Variants in SORCS3 observed in about 807,000 individuals in gnomAD.
SORCS3 encodes sortilin related VPS10 domain containing receptor 3.
Under a neutral mutation model 146.3 loss-of-function variants are expected in SORCS3, and 57 were observed. The observed-to-expected ratio is 0.39, with a 90% CI of 0.31 to 0.49. The LOEUF (loss-of-function observed/expected upper bound fraction) is 0.49, where lower values mean the gene tolerates loss of function less well. Ranked by LOEUF, SORCS3 falls within the 20% of genes least tolerant of loss-of-function variation. The pLI, the probability that SORCS3 is intolerant of heterozygous loss-of-function variation, is 0.92. For missense variants in SORCS3, 1,341 were observed against 1,575.5 expected, an observed-to-expected ratio of 0.85 and a Z score of 2.52; for synonymous variants, 653 against 618.5, an observed-to-expected ratio of 1.06 and a Z score of -0.83.
chr10:105,131,721 T>TA (rs2056020418), intron 7 of SORCS3, among the ~76,000 whole-genome samples: 1 of 152,078 alleles, frequency 6.6e-6, no homozygotes, highest in African/African-American at 2.4e-5. Flanking sequence ...TCAGGAAACT[T>TA]ACAATTACGG....
chr10:105,001,544 A>T (rs1338553495), intron 4 of SORCS3, among the ~76,000 whole-genome samples: 1 of 152,204 alleles, frequency 6.6e-6, no homozygotes, highest in Non-Finnish European at 1.5e-5. Flanking sequence ...TATCCAAAAC[A>T]TTTCCTTGAA....
At chr10:104,739,761 G>A (rs2016818993) in intron 1 of SORCS3, among the ~76,000 whole-genome samples, 1 of 152,200 alleles carries the variant, frequency 6.6e-6, no homozygotes, top group Non-Finnish European at 1.5e-5. Flanking sequence ...GAAATCACAC[G>A]TGTCCCCACA....
intron 1 of SORCS3, among the ~76,000 whole-genome samples, chr10:104,757,004 A>T (rs958291108): frequency 6.7e-6 from 1 of 149,654 alleles, no homozygotes; most frequent in African/African-American, 2.5e-5. Flanking sequence ...ATCAACAACC[A>T]TTATCTCCTT....
At chr10:104,981,038 G>T (rs754028377) in intron 4 of SORCS3, among the ~76,000 whole-genome samples, 6 of 139,186 alleles carry the variant, frequency 4.3e-5, no homozygotes, top group African/African-American at 2.0e-4. Flanking sequence ...GCAAAGGGGT[G>T]GGGGGCAGAT....
At chr10:104,858,192 C>G (rs893011221) in intron 2 of SORCS3, among the ~76,000 whole-genome samples, 3 of 152,112 alleles carry the variant, frequency 2.0e-5, no homozygotes, top group Non-Finnish European at 4.4e-5. Context: ...ACAAAGAGTA[C>G]TGTTAAAATA....
chr10:104,927,213 T>C (rs2019157704), intron 3 of SORCS3, among the ~76,000 whole-genome samples: 1 of 152,246 alleles, frequency 6.6e-6, no homozygotes, highest in Non-Finnish European at 1.5e-5. Flanking sequence ...TTCTCTTCCG[T>C]GTGAACTCTG....
At chr10:104,834,716 G>A (rs1165453649) in intron 1 of SORCS3, among the ~76,000 whole-genome samples, 1 of 144,362 alleles carries the variant, frequency 6.9e-6, no homozygotes, top group East Asian at 2.0e-4. Context: ...TTTTTCCTCT[G>A]CTAGGATATT....
intron 26 of SORCS3, 38 bp downstream of exon 26, chr10:105,262,529 G>A (rs966713084): frequency 5.6e-6 from 9 of 1,593,334 alleles, no homozygotes; most frequent in Non-Finnish European, 7.7e-6. Flanking sequence ...CCTGTTCTGT[G>A]TCCTCTAAAC....
At chr10:104,819,906 T>C (rs2017853230) in intron 1 of SORCS3, among the ~76,000 whole-genome samples, 3 of 152,192 alleles carry the variant, frequency 2.0e-5, no homozygotes, top group African/African-American at 2.4e-5. Context: ...CCAAGATTGC[T>C]CATGCAGCTA....
intron 14 of SORCS3, among the ~76,000 whole-genome samples, chr10:105,199,145 G>A (rs1171347216): frequency 1.3e-5 from 2 of 151,918 alleles, no homozygotes; most frequent in African/African-American, 4.8e-5. Flanking sequence ...CAGCATGATC[G>A]GTCTCCCCTT....
intron 4 of SORCS3, among the ~76,000 whole-genome samples, chr10:104,988,835 T>C (rs2054976972): frequency 6.6e-6 from 1 of 152,194 alleles, no homozygotes; most frequent in African/African-American, 2.4e-5. Flanking sequence ...AATATGCAAA[T>C]GTAGGAAAAT....
chr10:104,901,788 A>G (rs909761538), intron 2 of SORCS3, among the ~76,000 whole-genome samples: 2 of 152,166 alleles, frequency 1.3e-5, no homozygotes, highest in Non-Finnish European at 2.9e-5. Flanking sequence ...CTAAGACCAT[A>G]TTATTCTTTC....
chr10:104,764,124 A>C (rs1275288708), intron 1 of SORCS3, among the ~76,000 whole-genome samples: 2 of 152,142 alleles, frequency 1.3e-5, no homozygotes, highest in Non-Finnish European at 2.9e-5. Context: ...TATCTAAAAA[A>C]CTTATAATAA....
chr10:105,050,490 T>G (rs534258646), intron 5 of SORCS3, among the ~76,000 whole-genome samples: 1 of 152,218 alleles, frequency 6.6e-6, no homozygotes, highest in African/African-American at 2.4e-5. Context: ...GCCTGACAGC[T>G]TAGTTCTAAT....
At chr10:104,836,269 C>T (rs2018066860) in intron 1 of SORCS3, among the ~76,000 whole-genome samples, 1 of 152,074 alleles carries the variant, frequency 6.6e-6, no homozygotes, top group Non-Finnish European at 1.5e-5. Flanking sequence ...TTGTTAGTTC[C>T]AATACGGATA....
At chr10:105,239,094 G>T (rs2056809173) in intron 20 of SORCS3, among the ~76,000 whole-genome samples, 2 of 152,064 alleles carry the variant, frequency 1.3e-5, no homozygotes, top group African/African-American at 2.4e-5. Flanking sequence ...CCATGAATTT[G>T]GTTCCATCTT....
intron 14 of SORCS3, among the ~76,000 whole-genome samples, chr10:105,187,640 G>C (rs559695274): frequency 6.6e-6 from 1 of 152,310 alleles, no homozygotes; most frequent in Admixed American, 6.5e-5. Context: ...GAAAAAGGAG[G>C]CATGGGGAGC....
rs540648901 is a variant in SORCS3 at position 104,851,755 on chromosome 10, A to G, written c.695+8896A>G. Among the ~76,000 whole-genome samples the G allele has an allele frequency of 4.6e-5, 7 of 152,338 alleles. No individual in the cohort carries two copies. In the East Asian group the frequency reaches 1.4e-3, roughly 29 times the overall value. On this transcript the variant is annotated intron_variant, in intron 2 of 26. Coordinates refer to ENST00000369701, the MANE Select transcript of SORCS3 (RefSeq NM_014978.3). ...TTTGATATACCCCATTCCTGCTTATATATATAATGACTATAAAGATTAGGT... is the reference window on the plus strand; with the variant it reads ...TTTGATATACCCCATTCCTGCTTATGTATATAATGACTATAAAGATTAGGT...
chr10:104,711,154 C>G (rs1484326795), intron 1 of SORCS3, among the ~76,000 whole-genome samples: 2 of 152,302 alleles, frequency 1.3e-5, no homozygotes, highest in Admixed American at 6.5e-5. Context: ...AGGTACTGTT[C>G]TAACCACTTT....
Sources: gnomAD v4.1 joint callset for allele counts (sites outside exome capture counted in the v4.1 genomes callset) on GRCh38, gnomAD v4.1.1 for gene constraint, MANE v1.5 for transcripts, NCBI Gene and HGNC (gene_info 2026-07-23, HGNC 2026-07-21) for gene names.